Variants in COLQ observed in about 807,000 individuals in gnomAD.
COLQ encodes acetylcholinesterase collagenic tail peptide.
In COLQ, 48 loss-of-function variants were observed where a neutral mutation model predicts 69.0. The observed-to-expected ratio is 0.70, with a 90% CI of 0.55 to 0.88. COLQ has a LOEUF of 0.88. Ranked by LOEUF, COLQ falls within the 40% of genes least tolerant of loss-of-function variation. The probability of loss-of-function intolerance (pLI) is 0.00; values close to 1 mark genes in which losing one functional copy is unlikely to be tolerated. For synonymous variants in COLQ, 217 were observed against 211.2 expected (o/e 1.03, Z -0.24); for missense variants, 618 against 594.6 (o/e 1.04, Z -0.41).
At position 15,519,666 on chromosome 3, in the gene COLQ, T is replaced by G. The variant is rs183128786; in HGVS notation, c.106+1854A>C. Among the ~76,000 whole-genome samples, 19 of 152,316 alleles carry G rather than the reference T, an allele frequency of 1.2e-4. No individual in the cohort carries two copies. The East Asian group carries it at 2.7e-3, about 22-fold the overall frequency. On this transcript the variant is annotated intron_variant, in intron 1 of 16. Transcript: ENST00000383788. ...TTTCATCTGAACCACCTGAGTTGCT[T>G]CTTTATCCTGCTGTTGCCCTGATTG...
chr3:15,488,342 G>A, intron 2 of COLQ, 35 bp from the exon 3 acceptor site: 1 of 1,576,674 alleles, frequency 6.3e-7, no homozygotes, highest in South Asian at 1.1e-5. Context: ...TAGAGGTCAG[G>A]CGTAGGGGAC....
intron 1 of COLQ, among the ~76,000 whole-genome samples, chr3:15,515,524 TGGGGACCA>T (rs991098258): frequency 1.3e-5 from 2 of 152,170 alleles, no homozygotes; most frequent in African/African-American, 4.8e-5. Flanking sequence ...TTAAAGAAGA[TGGGGACCA>T]GGGGCAGTGG....
chr3:15,520,209 T>C (rs2063117971), intron 1 of COLQ, among the ~76,000 whole-genome samples: 2 of 152,228 alleles, frequency 1.3e-5, no homozygotes, highest in Non-Finnish European at 2.9e-5. Flanking sequence ...AGAAGAAGCT[T>C]GATGCTCTTA....
intron 2 of COLQ, 117 bp from the exon 3 acceptor site, chr3:15,488,424 A>G: frequency 2.5e-6 from 2 of 797,406 alleles, no homozygotes; most frequent in Non-Finnish European, 2.1e-6. Flanking sequence ...GTTCCCTGAC[A>G]CCCCAATGAC....
chr3:15,485,217 A>G (rs893071059), intron 3 of COLQ, among the ~76,000 whole-genome samples: 15 of 152,202 alleles, frequency 9.9e-5, no homozygotes, highest in Admixed American at 3.3e-4. Flanking sequence ...AACAGCAAAT[A>G]TTGCAGAAGA....
chr3:15,458,748 T>C (rs1344709579), intron 12 of COLQ, among the ~76,000 whole-genome samples: 3 of 152,236 alleles, frequency 2.0e-5, no homozygotes, highest in Admixed American at 2.0e-4. Flanking sequence ...GTCTTATTTG[T>C]TTAGACCATT....
intron 11 of COLQ, among the ~76,000 whole-genome samples, chr3:15,469,613 GTTA>G (rs2125108435): frequency 6.6e-6 from 1 of 152,274 alleles, no homozygotes; most frequent in East Asian, 1.9e-4. Context: ...GCTTCATAGT[GTTA>G]TTATGGTTCT....
At chr3:15,485,629 A>G (rs1236263055) in intron 3 of COLQ, among the ~76,000 whole-genome samples, 1 of 152,086 alleles carries the variant, frequency 6.6e-6, no homozygotes, top group Non-Finnish European at 1.5e-5. Flanking sequence ...TGTTTGAAAA[A>G]TCCCAAAGCC....
At chr3:15,479,485 T>A in intron 3 of COLQ, 103 bp from the exon 4 acceptor site, 1 of 1,152,000 alleles carries the variant, frequency 8.7e-7, no homozygotes, top group Non-Finnish European at 1.3e-6. Flanking sequence ...AACATCATTC[T>A]CTGGGCAGAT....
At chr3:15,519,266 A>G (rs1017705405) in intron 1 of COLQ, among the ~76,000 whole-genome samples, 14 of 152,190 alleles carry the variant, frequency 9.2e-5, no homozygotes, top group Non-Finnish European at 4.4e-5. Flanking sequence ...TCTCCATCCC[A>G]ACCCTCCCCT....
chr3:15,456,161 C>T lies in COLQ; in HGVS notation c.1075-142G>A. 3.8e-6 allele frequency: 4 copies of T among 1,066,330 alleles called. No individual in the cohort carries two copies. The East Asian group carries it at 7.7e-5, about 21-fold the overall frequency. The allele number at this position is 1,066,330 out of a possible 1,614,324, so 66.1% of individuals were successfully genotyped here. A position where few individuals can be genotyped will look rare whatever the true frequency, so the allele number is the denominator to read the frequency against. ...CCAGGGGTGGGAAAGGTACTCCTTT[C>T]CTGTTGCCCAGAGCTCTGTAGCTGG... On this transcript the variant is annotated intron_variant, in intron 14 of 16. Transcript: ENST00000383788.
In COLQ at chr3:15,478,926, A is replaced by G. The variant is rs112251119; in HGVS notation, c.393+51T>C. 6.6e-5 allele frequency: 107 copies of G among 1,612,852 alleles called. No homozygotes were observed. The African/African-American group carries it at 9.9e-4, about 15-fold the overall frequency. On this transcript the variant is annotated intron_variant, in intron 5 of 16. Transcript: ENST00000383788. Reference sequence around the variant, plus strand: ...CCCCTCCCTAGGAGTGCATGCACACACATGAAGCACAGACGCTCATGTGAC... The same window carrying G: ...CCCCTCCCTAGGAGTGCATGCACACGCATGAAGCACAGACGCTCATGTGAC...
At chr3:15,515,683 G>A (rs1174277896) in intron 1 of COLQ, among the ~76,000 whole-genome samples, 1 of 152,154 alleles carries the variant, frequency 6.6e-6, no homozygotes, top group Non-Finnish European at 1.5e-5. Context: ...GTGGGAGCCT[G>A]TAATCCCAGC....
intron 12 of COLQ, among the ~76,000 whole-genome samples, chr3:15,464,302 C>A (rs1234508314): frequency 6.6e-6 from 1 of 152,124 alleles, no homozygotes; most frequent in African/African-American, 2.4e-5. Context: ...GTTCTGATAC[C>A]CACGTATGGC....
intron 1 of COLQ, among the ~76,000 whole-genome samples, chr3:15,514,884 G>A (rs2125186436): frequency 6.6e-6 from 1 of 152,328 alleles, no homozygotes; most frequent in East Asian, 1.9e-4. Flanking sequence ...TTTTCAAGAT[G>A]TTTGCTTCTT....
In COLQ at chr3:15,458,226, C is replaced by T; in HGVS notation, c.914G>A (p.Gly305Glu). 6.2e-7 allele frequency: 1 copy of T among 1,614,118 alleles called. No individual in the cohort carries two copies. Among genetic ancestry groups the T allele is most frequent in the Non-Finnish European group, 8.5e-7 (1 of 1,180,028 alleles). The part of the protein sequence containing the change: ...PTMNVNNPSY[G>E]ESVYGPSSPR... ...GGAACTGGGCCCATACACAGATTCCCCGTAGGAAGGGTTATTCACATTCAT... is the reference window on the plus strand; with the variant it reads ...GGAACTGGGCCCATACACAGATTCCTCGTAGGAAGGGTTATTCACATTCAT... Residue 305 changes from glycine to glutamate, a missense_variant, in exon 13 of 17, where the codon GGG (glycine) becomes GAG (glutamate). Gly to Glu is a moderately conservative substitution (Grantham distance 98, BLOSUM62 -2). Transcript: ENST00000383788.
chr3:15,454,734 C>A (rs991560919), intron 15 of COLQ, among the ~76,000 whole-genome samples: 3 of 150,792 alleles, frequency 2.0e-5, no homozygotes, highest in African/African-American at 7.4e-5. Flanking sequence ...CAGTTCACTG[C>A]AGCCTTGAAC....
At position 15,501,915 on chromosome 3, in the gene COLQ, T is replaced by A. The variant is rs1005789353; in HGVS notation, c.107-12278A>T. The stretch of plus-strand genomic sequence containing the variant: ...AATGGAGCTAAGGTTGATCTCTGTG[T>A]CCTATTACAATAGTCTTTAAACCTA... On this transcript the variant is annotated intron_variant, in intron 1 of 16. Transcript: ENST00000383788. 4.6e-5 allele frequency among the ~76,000 whole-genome samples: 7 copies of A among 152,330 alleles called. No individual in the cohort carries two copies. The South Asian group carries it at 1.4e-3, about 32-fold the overall frequency.
At chr3:15,459,635 G>T (rs1869855) in intron 12 of COLQ, among the ~76,000 whole-genome samples, 74,110 of 151,164 alleles carry the variant, frequency 0.49, 18,642 homozygotes, top group East Asian at 0.62. Context: ...CGTGCCATCA[G>T]GTTTGGCTAA....
Sources: gnomAD v4.1 joint callset for allele counts (sites outside exome capture counted in the v4.1 genomes callset) on GRCh38, gnomAD v4.1.1 for gene constraint, MANE v1.5 for transcripts, NCBI Gene and HGNC (gene_info 2026-07-23, HGNC 2026-07-21) for gene names.